LRP1B: variants seen among roughly 807,000 people sequenced by gnomAD.
LRP1B encodes the protein LDL receptor related protein 1B.
A neutral mutation model predicts 556.6 loss-of-function variants in LRP1B; 217 were observed. The ratio of observed to expected loss-of-function variants is 0.39; its 90% confidence interval spans 0.35 to 0.44. LRP1B has a LOEUF of 0.44. Ranked by LOEUF, LRP1B falls within the 20% of genes least tolerant of loss-of-function variation. LRP1B has a pLI of 1.00. For missense variants in LRP1B, 5,053 were observed against 5,620.8 expected (o/e 0.90, Z 3.23); for synonymous variants, 2,047 against 1,865.8 (o/e 1.10, Z -2.50).
At chr2:140,557,745 C>T (rs1161124465) in intron 43 of LRP1B, among the ~76,000 whole-genome samples, 1 of 152,168 alleles carries the variant, frequency 6.6e-6, no homozygotes, top group Non-Finnish European at 1.5e-5. Flanking sequence ...TGGCTCACCC[C>T]TTCAGGATTT....
At chr2:141,912,460 C>T (rs746625717) in intron 1 of LRP1B, among the ~76,000 whole-genome samples, 25 of 151,834 alleles carry the variant, frequency 1.6e-4, no homozygotes, top group African/African-American at 3.4e-4. Context: ...GAAATAAGAA[C>T]GGAAAAAGGC....
chr2:140,598,742 G>A lies in LRP1B; in HGVS notation c.7083C>T (p.Asp2361=). ...TAGTAAGTCCATTTGGAGTGAGTAT[G>A]TCTGTACTGACCACCACTTGAGCAT... is the stretch of plus-strand genomic sequence containing the variant. The part of the protein sequence containing the change: ...GKNAQVVVST[D]ILTPNGLTID... Residue 2361 remains aspartate (D), a synonymous_variant, in exon 43 of 91, where the codon GAC becomes GAT. Transcript: ENST00000389484. The A allele has an allele frequency of 6.2e-7, 1 of 1,612,828 alleles. No homozygotes were observed. Among genetic ancestry groups the A allele is most frequent in the Non-Finnish European group, 8.5e-7 (1 of 1,178,988 alleles).
intron 3 of LRP1B, among the ~76,000 whole-genome samples, chr2:141,467,839 C>CGTGG (rs1553518610): frequency 0.018 from 1,033 of 57,106 alleles, 38 homozygotes; most frequent in African/African-American, 0.04. Flanking sequence ...GTTTGCGGAC[C>CGTGG]GGGGGGGGGG....
At chr2:142,098,877 C>A (rs1032448426) in intron 1 of LRP1B, among the ~76,000 whole-genome samples, 15 of 151,756 alleles carry the variant, frequency 9.9e-5, no homozygotes, top group Non-Finnish European at 1.9e-4. Flanking sequence ...CACTACTGAT[C>A]ATTTTCAAAA....
chr2:141,524,088 T>C (rs1210043451), intron 2 of LRP1B, among the ~76,000 whole-genome samples: 1 of 152,136 alleles, frequency 6.6e-6, no homozygotes, highest in African/African-American at 2.4e-5. Flanking sequence ...TAAGGGCACT[T>C]AAAGTATCTT....
At chr2:142,113,934 CT>C (rs1212888136) in intron 1 of LRP1B, among the ~76,000 whole-genome samples, 2 of 152,082 alleles carry the variant, frequency 1.3e-5, no homozygotes, top group African/African-American at 4.8e-5. Flanking sequence ...TAACAATGCC[CT>C]TTACCAATGA....
chr2:141,775,325 T>C (rs1558867552), intron 2 of LRP1B, among the ~76,000 whole-genome samples: 2 of 152,230 alleles, frequency 1.3e-5, no homozygotes, highest in Non-Finnish European at 2.9e-5. Context: ...TTTTGCCCTG[T>C]AGAAAGGCTT....
intron 32 of LRP1B, among the ~76,000 whole-genome samples, chr2:140,805,439 C>A (rs1438077402): frequency 6.6e-6 from 1 of 152,068 alleles, no homozygotes; most frequent in Non-Finnish European, 1.5e-5. Flanking sequence ...TTGGAGATAG[C>A]TACTCAGATA....
intron 60 of LRP1B, among the ~76,000 whole-genome samples, chr2:140,466,998 T>C (rs1687573774): frequency 6.6e-6 from 1 of 152,212 alleles, no homozygotes; most frequent in Admixed American, 6.5e-5. Flanking sequence ...AATTTTCTAA[T>C]ATTTACCTTT....
chr2:140,420,623 T>C (rs896928918), intron 66 of LRP1B, among the ~76,000 whole-genome samples: 8 of 152,062 alleles, frequency 5.3e-5, no homozygotes, highest in African/African-American at 1.9e-4. Context: ...CATAAATTGG[T>C]TAATGAATAA....
intron 7 of LRP1B, among the ~76,000 whole-genome samples, chr2:141,079,934 C>T (rs1004363955): frequency 1.3e-4 from 20 of 152,140 alleles, no homozygotes; most frequent in Non-Finnish European, 1.2e-4. Flanking sequence ...AAATCATGTC[C>T]AATTTTTAAA....
intron 66 of LRP1B, among the ~76,000 whole-genome samples, chr2:140,410,820 G>A (rs188658049): frequency 1.6e-3 from 240 of 152,222 alleles, no homozygotes; most frequent in African/African-American, 5.5e-3. Context: ...ATTCTAAAAC[G>A]TATATCCCAT....
At chr2:141,628,884 A>T (rs1473148947) in intron 2 of LRP1B, among the ~76,000 whole-genome samples, 1 of 152,108 alleles carries the variant, frequency 6.6e-6, no homozygotes, top group Admixed American at 6.5e-5. Flanking sequence ...CCCTGAGCTC[A>T]AGTGATCCTC....
chr2:141,452,914 G>C (rs1559078200), intron 3 of LRP1B, among the ~76,000 whole-genome samples: 1 of 152,106 alleles, frequency 6.6e-6, no homozygotes, highest in Non-Finnish European at 1.5e-5. Context: ...TTCACCAAAG[G>C]CCTGTTTTAT....
At chr2:142,002,214 G>A (rs1233554184) in intron 1 of LRP1B, among the ~76,000 whole-genome samples, 1 of 152,042 alleles carries the variant, frequency 6.6e-6, no homozygotes, top group African/African-American at 2.4e-5. Flanking sequence ...AACCAGTATT[G>A]ATCTATTAAA....
chr2:140,919,006 T>G (rs1010945553), intron 21 of LRP1B, among the ~76,000 whole-genome samples: 1 of 152,048 alleles, frequency 6.6e-6, no homozygotes, highest in Non-Finnish European at 1.5e-5. Flanking sequence ...TTAGTCATTT[T>G]GGGAGTAATA....
intron 60 of LRP1B, among the ~76,000 whole-genome samples, chr2:140,461,488 T>A (rs1687316998): frequency 6.6e-6 from 1 of 152,204 alleles, no homozygotes. Flanking sequence ...AGAATCTAAA[T>A]GTTATCTTAA....
chr2:141,467,452 G>A (rs1048074662), intron 3 of LRP1B, among the ~76,000 whole-genome samples: 5 of 152,046 alleles, frequency 3.3e-5, no homozygotes, highest in Non-Finnish European at 5.9e-5. Flanking sequence ...AGTACAAATT[G>A]CTAAGCATTG....
At chr2:140,754,838 C>A (rs948962078) in intron 35 of LRP1B, among the ~76,000 whole-genome samples, 2 of 148,422 alleles carry the variant, frequency 1.3e-5, no homozygotes, top group African/African-American at 4.9e-5. Context: ...TTTAAAAATA[C>A]AGAGAGGAAA....
Sources: gnomAD v4.1 joint callset for allele counts (sites outside exome capture counted in the v4.1 genomes callset) on GRCh38, gnomAD v4.1.1 for gene constraint, MANE v1.5 for transcripts, NCBI Gene and HGNC (gene_info 2026-07-23, HGNC 2026-07-21) for gene names.